The following EYA1 variants were observed in gnomAD, a reference collection of about 807,000 sequenced individuals.
EYA1 encodes EYA transcriptional coactivator and phosphatase 1.
In EYA1, 16 loss-of-function variants were observed where a neutral mutation model predicts 82.0. The observed-to-expected ratio is 0.20, with a 90% CI of 0.13 to 0.30. EYA1 has a LOEUF of 0.30. EYA1 is among the 10% of genes least tolerant of loss of function. EYA1 has a pLI of 1.00. For synonymous variants in EYA1, 261 were observed against 264.4 expected (o/e 0.99, Z 0.12); for missense variants, 633 against 730.7 (o/e 0.87, Z 1.54).
intron 16 of EYA1, 97 bp from the exon 17 acceptor site, chr8:71,211,353 G>A (rs554622363): frequency 2.5e-5 from 20 of 788,738 alleles, no homozygotes; most frequent in Non-Finnish European, 4.2e-5. Flanking sequence ...TTCATGCTCT[G>A]ATTCGAATGC....
intron 11 of EYA1, among the ~76,000 whole-genome samples, chr8:71,259,247 C>T (rs1814806636): frequency 6.6e-6 from 1 of 152,112 alleles, no homozygotes; most frequent in South Asian, 2.1e-4. Flanking sequence ...CCTCCCTCTC[C>T]CGCACAGCAG....
chr8:71,331,090 A>G (rs936485206), intron 4 of EYA1, among the ~76,000 whole-genome samples: 3 of 151,846 alleles, frequency 2.0e-5, no homozygotes, highest in Non-Finnish European at 2.9e-5. Flanking sequence ...TTAGCTGGGC[A>G]TGGTGGCACG....
At chr8:71,377,949 T>G (rs1828469513) in intron 2 of EYA1, among the ~76,000 whole-genome samples, 1 of 152,140 alleles carries the variant, frequency 6.6e-6, no homozygotes, top group South Asian at 2.1e-4. Context: ...TTTGCCTCAT[T>G]TTTTTATTCT....
intron 11 of EYA1, among the ~76,000 whole-genome samples, chr8:71,259,305 T>A (rs1009051225): frequency 2.6e-5 from 4 of 152,140 alleles, no homozygotes; most frequent in African/African-American, 7.2e-5. Context: ...ATTACACAGA[T>A]GCCAAAGAGC....
intron 2 of EYA1, among the ~76,000 whole-genome samples, chr8:71,509,610 T>C (rs181568260): frequency 1.8e-3 from 268 of 152,326 alleles, no homozygotes; most frequent in Middle Eastern, 3.4e-3. Context: ...GCATTTTGAC[T>C]TCCAGTACCT....
chr8:71,199,192 C>G lies in EYA1; in HGVS notation c.*148G>C, dbSNP rs765515427. ...AATAGACGTGGTCCTCCATTCACCA[C>G]AAAGGCAGAGGTCAAGACTGACAGC... On this transcript the variant is annotated 3_prime_UTR_variant, in exon 18 of 18. Transcript: ENST00000340726. 3 of 695,410 alleles carry G rather than the reference C, an allele frequency of 4.3e-6. No individual in the cohort carries two copies. Among genetic ancestry groups the G allele is most frequent in the East Asian group, 5.4e-5 (2 of 36,906 alleles). The allele number at this position is 695,410 out of a possible 1,614,324, so 43.1% of individuals were successfully genotyped here.
intron 12 of EYA1, among the ~76,000 whole-genome samples, chr8:71,230,274 ACTCT>A (rs895786307): frequency 7.2e-5 from 11 of 152,110 alleles, no homozygotes; most frequent in African/African-American, 2.7e-4. Context: ...CAAAGCAGTG[ACTCT>A]CTCCCAGATT....
chr8:71,274,471 G>T (rs16937548), intron 9 of EYA1, among the ~76,000 whole-genome samples: 13,406 of 152,070 alleles, frequency 0.088, 1,044 homozygotes, highest in East Asian at 0.43. Flanking sequence ...AATTGTTCAA[G>T]TTTACCCCCA....
At chr8:71,272,503 G>A (rs1441802456) in intron 9 of EYA1, among the ~76,000 whole-genome samples, 1 of 152,118 alleles carries the variant, frequency 6.6e-6, no homozygotes, top group Admixed American at 6.5e-5. Context: ...CTCTTCCTCG[G>A]TCCTAGTCCC....
chr8:71,201,528 C>T (rs1807015664), intron 17 of EYA1, among the ~76,000 whole-genome samples: 1 of 152,140 alleles, frequency 6.6e-6, no homozygotes. Flanking sequence ...CTATAGCTTT[C>T]CTCCTCATTA....
intron 12 of EYA1, among the ~76,000 whole-genome samples, chr8:71,229,359 G>A (rs62507628): frequency 5.3e-5 from 8 of 152,130 alleles, no homozygotes; most frequent in East Asian, 3.9e-4. Flanking sequence ...TGTATTTCAC[G>A]TTCTTTCCAA....
intron 17 of EYA1, among the ~76,000 whole-genome samples, chr8:71,200,390 AG>A (rs1806828407): frequency 6.6e-6 from 1 of 152,174 alleles, no homozygotes; most frequent in Non-Finnish European, 1.5e-5. Flanking sequence ...TGTAGGTGAC[AG>A]TGAAAGCCAT....
At chr8:71,389,225 A>T (rs1376020740) in intron 2 of EYA1, among the ~76,000 whole-genome samples, 1 of 152,080 alleles carries the variant, frequency 6.6e-6, no homozygotes. Context: ...TTTTATTCCA[A>T]CATGATTTAT....
At chr8:71,511,436 G>A (rs897449404) in intron 2 of EYA1, among the ~76,000 whole-genome samples, 1 of 152,144 alleles carries the variant, frequency 6.6e-6, no homozygotes, top group Admixed American at 6.6e-5. Flanking sequence ...CAAACTTTTG[G>A]GGCTGGGGAC....
In EYA1 at chr8:71,214,780, T is replaced by C. The variant is rs575337096; in HGVS notation, c.1597+607A>G. Among the ~76,000 whole-genome samples, 4 of 152,330 alleles carry C rather than the reference T, an allele frequency of 2.6e-5. No individual in the cohort carries two copies. In the South Asian group the frequency reaches 8.3e-4, roughly 32 times the overall value. On this transcript the variant is annotated intron_variant, in intron 16 of 17. Coordinates refer to ENST00000340726, the MANE Select transcript of EYA1 (RefSeq NM_000503.6). ...CTCATTTGCATACTCTTGTATCATATTGGATTGTCATGTAACTGTCTGCTT... is the reference window on the plus strand; with the variant it reads ...CTCATTTGCATACTCTTGTATCATACTGGATTGTCATGTAACTGTCTGCTT...
chr8:71,351,209 C>T (rs1826275186), intron 3 of EYA1, among the ~76,000 whole-genome samples: 1 of 152,160 alleles, frequency 6.6e-6, no homozygotes, highest in Non-Finnish European at 1.5e-5. Context: ...GTTTTTCAGA[C>T]TAACTGTCCA....
intron 2 of EYA1, among the ~76,000 whole-genome samples, chr8:71,464,513 C>G (rs1342380479): frequency 6.6e-6 from 1 of 152,186 alleles, no homozygotes; most frequent in African/African-American, 2.4e-5. Context: ...ACAGGCAATG[C>G]AACGGGCCTA....
chr8:71,384,931 A>G (rs776446178), intron 2 of EYA1, among the ~76,000 whole-genome samples: 2 of 152,238 alleles, frequency 1.3e-5, no homozygotes. Context: ...CACTGACGCA[A>G]TAATTTATAT....
chr8:71,485,143 A>C (rs1214398698), intron 2 of EYA1, among the ~76,000 whole-genome samples: 1 of 152,254 alleles, frequency 6.6e-6, no homozygotes, highest in Non-Finnish European at 1.5e-5. Context: ...TATTGTTGTG[A>C]ATAAAAGTAG....
Sources: gnomAD v4.1 joint callset for allele counts (sites outside exome capture counted in the v4.1 genomes callset) on GRCh38, gnomAD v4.1.1 for gene constraint, MANE v1.5 for transcripts, NCBI Gene and HGNC (gene_info 2026-07-23, HGNC 2026-07-21) for gene names.